The following ALDH3B1 variants were observed in gnomAD, a reference collection of about 807,000 sequenced individuals.
The protein encoded by ALDH3B1 is aldehyde dehydrogenase 3 family member B1.
Under a neutral mutation model 46.2 loss-of-function variants are expected in ALDH3B1, and 37 were observed. The ratio of observed to expected loss-of-function variants is 0.80; its 90% CI spans 0.62 to 1.05. The LOEUF (loss-of-function observed/expected upper bound fraction) is 1.05, where lower values mean the gene tolerates loss of function less well. ALDH3B1 is among the 50% of genes least tolerant of loss of function. The pLI is 0.00. For missense variants in ALDH3B1, 603 were observed against 665.5 expected, an observed-to-expected ratio of 0.91 and a Z score of 1.03; for synonymous variants, 283 against 281.0, an observed-to-expected ratio of 1.01 and a Z score of -0.07.
At chr11:68,019,329 G>A (rs916611581) in intron 5 of ALDH3B1, 74 bp downstream of exon 5, 49 of 1,375,160 alleles carry the variant, frequency 3.6e-5, no homozygotes, top group Non-Finnish European at 4.9e-5. Flanking sequence ...GGCATGGAAG[G>A]GCCTGTCAGT....
chr11:68,019,699 C>A lies in ALDH3B1; in HGVS notation c.481-16C>A. 6.2e-7 allele frequency: 1 copy of A among 1,613,124 alleles called. No individual in the cohort carries two copies. The highest frequency in any genetic ancestry group is 8.5e-7 in the Non-Finnish European group (1 of 1,179,394). ...GCTGGGGTCCCAGAAGGAGCCTCAC[C>A]CATCCCGCCTTGCAGAGCTGCTTTG... is the stretch of plus-strand genomic sequence containing the variant. On this transcript the variant is annotated splice_polypyrimidine_tract_variant and intron_variant, in intron 5 of 9. Coordinates refer to ENST00000342456, the MANE Select transcript of ALDH3B1 (RefSeq NM_000694.4).
chr11:68,014,957 C>T (rs1025747422), intron 1 of ALDH3B1: 19 of 267,084 alleles, frequency 7.1e-5, no homozygotes, highest in African/African-American at 3.1e-4. Context: ...AGAAGCATGG[C>T]GCTCTGCCTG....
chr11:68,013,382 C>T (rs1033685295), intron 1 of ALDH3B1, among the ~76,000 whole-genome samples: 2 of 152,178 alleles, frequency 1.3e-5, no homozygotes, highest in Non-Finnish European at 2.9e-5. Context: ...ATTCACGTTA[C>T]GTGCCTTGCA....
intron 6 of ALDH3B1, 34 bp downstream of exon 6, chr11:68,019,830 G>T (rs764346048): frequency 6.8e-6 from 11 of 1,608,426 alleles, no homozygotes; most frequent in South Asian, 5.5e-5. Context: ...ACAGGCTGGG[G>T]TCGGGGAGGA....
At chr11:68,027,091 C>A (rs545460037) in intron 9 of ALDH3B1, among the ~76,000 whole-genome samples, 177 of 152,274 alleles carry the variant, frequency 1.2e-3, no homozygotes, top group Middle Eastern at 3.4e-3. Context: ...GGCTTCCCCA[C>A]CTGCTGCTCC....
At chr11:68,024,328 C>G (rs749938167) in intron 8 of ALDH3B1, 12 of 152,254 alleles carry the variant, frequency 7.9e-5, no homozygotes, top group African/African-American at 2.9e-4. Context: ...CAGGGTTTCC[C>G]TGGGAAGCTA....
In ALDH3B1 at chr11:68,021,394, C is replaced by T. The variant is rs1383525641; in HGVS notation, c.563-91C>T. The T allele has an allele frequency of 7.9e-6, 12 of 1,522,684 alleles. 1 individual carries two copies. The Admixed American group carries it at 2.5e-4, about 32-fold the overall frequency. The allele number at this position is 1,522,684 out of a possible 1,614,324, so 94.3% of individuals were successfully genotyped here. A position where few individuals can be genotyped will look rare whatever the true frequency, so the allele number is the denominator to read the frequency against. On this transcript the variant is annotated intron_variant, in intron 6 of 9. Transcript: ENST00000342456. ...GAGGGCTGCTGCCCGCTGACTCCAC[C>T]ACCTCTCCAGGGAGGAGCGGGGCCG...
chr11:68,014,958 G>C (rs1282757328), intron 1 of ALDH3B1: 2 of 269,488 alleles, frequency 7.4e-6, no homozygotes, highest in Non-Finnish European at 1.4e-5. Flanking sequence ...GAAGCATGGC[G>C]CTCTGCCTGC....
At chr11:68,015,796 T>C (rs1857339373) in intron 2 of ALDH3B1, 2 of 418,232 alleles carry the variant, frequency 4.8e-6, no homozygotes, top group Admixed American at 5.5e-5. Flanking sequence ...CCGGGCATGG[T>C]GGCTCACACC....
chr11:68,016,602 C>G (rs1590773877), intron 2 of ALDH3B1: 1 of 152,626 alleles, frequency 6.6e-6, no homozygotes, highest in Non-Finnish European at 1.5e-5. Context: ...CCTGCCTGCC[C>G]CTGCCTCAGG....
chr11:68,015,155 C>T, intron 1 of ALDH3B1, 142 bp from the exon 2 acceptor site: 1 of 894,572 alleles, frequency 1.1e-6, no homozygotes. Context: ...GAGTGGGTCC[C>T]TGTGTGTGTA....
intron 2 of ALDH3B1, chr11:68,018,198 A>G (rs946904143): frequency 5.6e-6 from 2 of 356,266 alleles, no homozygotes; most frequent in African/African-American, 4.2e-5. Flanking sequence ...ACACCTGTGC[A>G]CGCCCACAGC....
rs751543530 is a variant in ALDH3B1 at position 68,022,642 on chromosome 11, G to C, written c.997G>C (p.Glu333Gln). The change falls in exon 8 of 10, where the codon GAG (glutamate) becomes CAG (glutamine). Residue 333 changes from glutamate (E) to glutamine (Q), a missense_variant. Coordinates refer to ENST00000342456, the MANE Select transcript of ALDH3B1 (RefSeq NM_000694.4). ...DVQEMEPVMQEEIFGPILPIV... is the reference protein window; with the variant it reads ...DVQEMEPVMQQEIFGPILPIV... ...GCAGGAGATGGAGCCTGTGATGCAG[G>C]AGGAGATCTTCGGGCCCATCCTGCC... 1 of 1,614,070 alleles carries C rather than the reference G, an allele frequency of 6.2e-7. No individual in the cohort carries two copies.
At chr11:68,016,130 AC>A (rs1373088155) in intron 2 of ALDH3B1, 1 of 155,374 alleles carries the variant, frequency 6.4e-6, no homozygotes, top group African/African-American at 2.4e-5. Flanking sequence ...CTGGAGACAC[AC>A]CCAGGGTGAA....
At chr11:68,020,072 G>C (rs1041365365) in intron 6 of ALDH3B1, among the ~76,000 whole-genome samples, 1 of 152,106 alleles carries the variant, frequency 6.6e-6, no homozygotes, top group African/African-American at 2.4e-5. Context: ...TGCCCCCCAG[G>C]CTCTTAGACA....
chr11:68,021,493 C>A lies in ALDH3B1; in HGVS notation c.571C>A (p.Arg191Ser), dbSNP rs200513950. The part of the protein sequence containing the change: ...FDYIFFTGSP[R>S]VGKIVMTAAA... ...TTTCCTTCCATGCCCAGGGAGCCCT[C>A]GTGTGGGCAAGATTGTTATGACTGC... Residue 191 changes from arginine (R) to serine (S), a missense_variant, in exon 7 of 10, where the codon CGT (arginine) becomes AGT (serine). Coordinates refer to ENST00000342456, the MANE Select transcript of ALDH3B1 (RefSeq NM_000694.4). 1,205 of 1,610,334 alleles carry A rather than the reference C, an allele frequency of 7.5e-4. 3 individuals are homozygous for A. The highest frequency in any genetic ancestry group is 9.1e-4 in the Non-Finnish European group (1,074 of 1,177,638).
At chr11:68,013,537 C>T (rs909404583) in intron 1 of ALDH3B1, among the ~76,000 whole-genome samples, 1 of 152,194 alleles carries the variant, frequency 6.6e-6, no homozygotes, top group Non-Finnish European at 1.5e-5. Context: ...TAAATATTTG[C>T]AGGCTACTTA....
At chr11:68,024,911 G>A (rs964180132) in intron 8 of ALDH3B1, 3 of 152,172 alleles carry the variant, frequency 2.0e-5, no homozygotes, top group African/African-American at 7.2e-5. Flanking sequence ...CATGTAAGAT[G>A]TCCCAGCCTC....
At chr11:68,009,231 A>G (rs1196669696), upstream of ALDH3B1, among the ~76,000 whole-genome samples, 1 of 152,216 alleles carries the variant, frequency 6.6e-6, no homozygotes, top group Non-Finnish European at 1.5e-5. Context: ...GACAGGCTCT[A>G]TGAATGGGGC....
Sources: allele counts gnomAD v4.1 joint callset (sites outside exome capture counted in the v4.1 genomes callset), GRCh38; gene constraint gnomAD v4.1.1; transcripts MANE v1.5; gene names NCBI Gene and HGNC (gene_info 2026-07-23, HGNC 2026-07-21).